Variants in NEK1 observed in about 807,000 individuals in gnomAD.
NEK1 encodes the protein NIMA related kinase 1.
Under a neutral mutation model 182.1 loss-of-function variants are expected in NEK1, and 137 were observed. That is an observed-to-expected ratio of 0.75 (90% CI 0.65 to 0.87). The LOEUF is 0.87. Among genes scored for constraint, NEK1 ranks in the 40% least tolerant of loss-of-function variants. The pLI is 0.00. For missense variants in NEK1, 1,391 were observed against 1,494.4 expected, an observed-to-expected ratio of 0.93 and a Z score of 1.14; for synonymous variants, 513 against 492.2, an observed-to-expected ratio of 1.04 and a Z score of -0.56.
At chr4:169,602,726 C>A in intron 2 of NEK1, 48 bp from the exon 3 acceptor site, 1 of 651,224 alleles carries the variant, frequency 1.5e-6, no homozygotes, top group South Asian at 2.0e-5. Context: ...AACATTATAA[C>A]TTCATAACAA....
intron 10 of NEK1, among the ~76,000 whole-genome samples, chr4:169,584,211 A>T (rs1767145316): frequency 2.0e-5 from 3 of 152,082 alleles, no homozygotes; most frequent in Admixed American, 6.5e-5. Context: ...ACATGTGTGC[A>T]CTAAAGGAGA....
intron 32 of NEK1, among the ~76,000 whole-genome samples, chr4:169,405,318 T>G (rs1732407763): frequency 6.6e-6 from 1 of 152,182 alleles, no homozygotes; most frequent in South Asian, 2.1e-4. Flanking sequence ...AACACAATGC[T>G]ATCTGTCTAT....
At chr4:169,494,850 G>A (rs575690985) in intron 23 of NEK1, among the ~76,000 whole-genome samples, 1 of 152,320 alleles carries the variant, frequency 6.6e-6, no homozygotes, top group African/African-American at 2.4e-5. Flanking sequence ...GATGGCCAGT[G>A]ATGATGAGCA....
At chr4:169,460,884 A>C (rs1302362510) in intron 27 of NEK1, among the ~76,000 whole-genome samples, 1 of 152,206 alleles carries the variant, frequency 6.6e-6, no homozygotes, top group East Asian at 1.9e-4. Context: ...ACAAACTGTT[A>C]TGAAAATGGA....
At chr4:169,455,338 A>G (rs76435551) in intron 27 of NEK1, among the ~76,000 whole-genome samples, 1 of 152,130 alleles carries the variant, frequency 6.6e-6, no homozygotes, top group Non-Finnish European at 1.5e-5. Context: ...AAAAAAAAAA[A>G]AGAAGACTCA....
At position 169,591,929 on chromosome 4, in the gene NEK1, A is replaced by G. The variant is rs115532860; in HGVS notation, c.313-1120T>C. Among the ~76,000 whole-genome samples the G allele has an allele frequency of 5.7e-3, 865 of 152,302 alleles. 5 individuals carry two copies. Among genetic ancestry groups the G allele is most frequent in the African/African-American group, 0.019 (797 of 41,576 alleles). ...CAAAAGTTATTCAAATCACTGAGAA[A>G]AGTACTGGCAGACAAAATAAGAAGT... On this transcript the variant is annotated intron_variant, in intron 5 of 35. Transcript: ENST00000507142.
intron 27 of NEK1, among the ~76,000 whole-genome samples, chr4:169,451,109 A>C (rs1741657473): frequency 6.6e-6 from 1 of 152,234 alleles, no homozygotes; most frequent in Non-Finnish European, 1.5e-5. Flanking sequence ...ATATGCACCC[A>C]ATACAGGAGG....
At chr4:169,463,645 GA>G (rs958352283) in intron 26 of NEK1, among the ~76,000 whole-genome samples, 6 of 152,064 alleles carry the variant, frequency 3.9e-5, no homozygotes, top group African/African-American at 1.4e-4. Flanking sequence ...ATAAAAATAG[GA>G]AAAAACCATA....
rs1379580596 is a variant in NEK1, at chr4:169,426,178, C to T, written c.2942G>A (p.Ser981Asn). Residue 981 changes from serine (S) to asparagine (N), a missense_variant, in exon 30 of 36, where the codon AGT (serine) becomes AAT (asparagine). This residue lies in a region of NEK1 where 1,216 missense variants were observed against 1,277.6 expected (regional missense o/e 0.95). Coordinates refer to ENST00000507142, the MANE Select transcript of NEK1 (RefSeq NM_001199397.3). ...AATGTCACTAAGTTGGTCCACAGTA[C>T]TCGAGACTCCATCTTCAGAAACTTC... ...ENEVSEDGVS[S>N]TVDQLSDIHI... 3 of 1,613,670 alleles carry T rather than the reference C, an allele frequency of 1.9e-6. No individual in the cohort carries two copies.
At chr4:169,514,490 A>C (rs1223974834) in intron 19 of NEK1, among the ~76,000 whole-genome samples, 1 of 152,172 alleles carries the variant, frequency 6.6e-6, no homozygotes, top group Non-Finnish European at 1.5e-5. Context: ...TTTCCAGTGA[A>C]ACCATCTAGG....
chr4:169,553,173 T>C (rs1003488094), intron 18 of NEK1, among the ~76,000 whole-genome samples: 1 of 152,086 alleles, frequency 6.6e-6, no homozygotes, highest in Non-Finnish European at 1.5e-5. Context: ...ACTTAATCAG[T>C]AGAACAGAAC....
At chr4:169,454,986 A>T (rs1309123166) in intron 27 of NEK1, among the ~76,000 whole-genome samples, 3 of 152,244 alleles carry the variant, frequency 2.0e-5, no homozygotes, top group African/African-American at 7.2e-5. Flanking sequence ...ACCATGGAAT[A>T]CTACGCAGCC....
intron 31 of NEK1, among the ~76,000 whole-genome samples, chr4:169,408,422 T>C (rs529334087): frequency 9.2e-5 from 14 of 152,150 alleles, no homozygotes; most frequent in Non-Finnish European, 1.9e-4. Context: ...CTTTTTTCCC[T>C]ATAGATTTAT....
chr4:169,454,917 T>G (rs986431401), intron 27 of NEK1, among the ~76,000 whole-genome samples: 8 of 152,170 alleles, frequency 5.3e-5, no homozygotes, highest in Non-Finnish European at 8.8e-5. Context: ...AGCAAAGACT[T>G]GGAACCAACC....
intron 19 of NEK1, among the ~76,000 whole-genome samples, chr4:169,519,854 T>C (rs1285857125): frequency 1.7e-5 from 1 of 59,098 alleles, no homozygotes; most frequent in Non-Finnish European, 3.6e-5. Flanking sequence ...TTCTGGCTTG[T>C]AGGGTTTCTG....
At chr4:169,581,039 TAAAA>T (rs34236215) in intron 10 of NEK1, 137 bp from the exon 11 acceptor site, 403 of 130,826 alleles carry the variant, frequency 3.1e-3, no homozygotes, top group Middle Eastern at 9.6e-3. Flanking sequence ...ACCAAGTTGT[TAAAA>T]AAAAAAAAAA....
intron 27 of NEK1, 122 bp from the exon 28 acceptor site, chr4:169,438,381 C>T: frequency 1.5e-6 from 1 of 666,034 alleles, no homozygotes; most frequent in Non-Finnish European, 2.5e-6. Flanking sequence ...TAGTTAAGCT[C>T]TGTTACATAT....
chr4:169,500,289 G>A (rs1022429271), intron 23 of NEK1, among the ~76,000 whole-genome samples: 1 of 152,178 alleles, frequency 6.6e-6, no homozygotes, highest in African/African-American at 2.4e-5. Context: ...TTTTCCAGGT[G>A]CCGTCTGTCA....
intron 19 of NEK1, among the ~76,000 whole-genome samples, chr4:169,522,575 T>C (rs1350413612): frequency 1.3e-5 from 2 of 152,228 alleles, no homozygotes; most frequent in African/African-American, 4.8e-5. Context: ...CTTGTGATAC[T>C]CTTCTGGTCT....
Sources: allele counts gnomAD v4.1 joint callset (sites outside exome capture counted in the v4.1 genomes callset), GRCh38; gene constraint gnomAD v4.1.1; regional missense constraint gnomAD v4.1.1; transcripts MANE v1.5; gene names NCBI Gene and HGNC (gene_info 2026-07-23, HGNC 2026-07-21).